SUFU: variants seen among roughly 807,000 people sequenced by gnomAD.
SUFU encodes SUFU negative regulator of hedgehog signaling.
A neutral mutation model predicts 58.9 loss-of-function variants in SUFU; 7 were observed. The observed-to-expected ratio is 0.12, with a 90% CI of 0.07 to 0.22. The LOEUF is 0.22. Among genes scored for constraint, SUFU ranks in the 10% least tolerant of loss-of-function variants. The probability of loss-of-function intolerance (pLI) is 1.00; values close to 1 mark genes in which losing one functional copy is unlikely to be tolerated. For synonymous variants in SUFU, 232 were observed against 254.8 expected (o/e 0.91, Z 0.85); for missense variants, 451 against 641.3 (o/e 0.70, Z 3.20).
intron 10 of SUFU, among the ~76,000 whole-genome samples, chr10:102,626,826 AT>A (rs1169065288): frequency 1.3e-5 from 2 of 151,398 alleles, no homozygotes; most frequent in Non-Finnish European, 2.9e-5. Flanking sequence ...TTTCCTTTTA[AT>A]TTTTCTTTTC....
rs1162195255 is a variant in SUFU, at chr10:102,545,293, A to ATTTTTTT, written c.318-4662_318-4656dup. On this transcript the variant is annotated intron_variant, in intron 2 of 11. Transcript: ENST00000369902. ...GCCACCATGCCTGGCTAATTTTTGT[A>ATTTTTTT]TTTTTTTTTTTTTTTTTTTTTGTAG... Among the ~76,000 whole-genome samples the ATTTTTTT allele has an allele frequency of 6.6e-5, 7 of 106,298 alleles. 1 individual carries two copies. Among genetic ancestry groups the ATTTTTTT allele is most frequent in the African/African-American group, 1.1e-4 (3 of 28,008 alleles). 69.7% of individuals were successfully genotyped at this position (106,298 alleles called of 152,430 possible).
intron 3 of SUFU, among the ~76,000 whole-genome samples, chr10:102,569,723 G>T (rs2063141687): frequency 6.6e-6 from 1 of 152,154 alleles, no homozygotes; most frequent in African/African-American, 2.4e-5. Flanking sequence ...ATACTCAGAG[G>T]TAAGTGCCTG....
At position 102,627,314 on chromosome 10, in the gene SUFU, T is replaced by C. The variant is rs2063795096; in HGVS notation, c.1365+71T>C. On this transcript the variant is annotated intron_variant, in intron 11 of 11. Transcript: ENST00000369902. The stretch of plus-strand genomic sequence containing the variant: ...CCATGTGTGTGCGTGCGTGTGCACG[T>C]CTGTGCATGCATGTGTGCGTGTGTA... The C allele has an allele frequency of 3.7e-6, 5 of 1,338,040 alleles. No homozygotes were observed. In the Admixed American group the frequency reaches 8.4e-5, roughly 22 times the overall value. The allele number at this position is 1,338,040 out of a possible 1,614,324, so 82.9% of individuals were successfully genotyped here. A position where few individuals can be genotyped will look rare whatever the true frequency, so the allele number is the denominator to read the frequency against.
intron 10 of SUFU, among the ~76,000 whole-genome samples, chr10:102,618,880 GACA>G (rs1383958271): frequency 1.4e-4 from 21 of 151,096 alleles, no homozygotes; most frequent in Non-Finnish European, 2.8e-4. Flanking sequence ...TGGAGGTAAG[GACA>G]AGCCCCTGAG....
In SUFU at chr10:102,628,469, C is replaced by G. The variant is rs551136981; in HGVS notation, c.1365+1226C>G. On this transcript the variant is annotated intron_variant, in intron 11 of 11. Coordinates refer to ENST00000369902, the MANE Select transcript of SUFU (RefSeq NM_016169.4). The surrounding 1 kb of genome is among the most constrained non-coding windows in gnomAD (Gnocchi z 4.5). Reference sequence around the variant, plus strand: ...TCACTGGTCCCTGAGTCCCAGCTCCCCATTCAGTCAGACCAGAGCCAGCTG... The same window carrying G: ...TCACTGGTCCCTGAGTCCCAGCTCCGCATTCAGTCAGACCAGAGCCAGCTG... Among the ~76,000 whole-genome samples, 1 of 152,260 alleles carries G rather than the reference C, an allele frequency of 6.6e-6. No homozygotes were observed. Among genetic ancestry groups the G allele is most frequent in the African/African-American group, 2.4e-5 (1 of 41,534 alleles).
At chr10:102,503,607 T>C (rs919241562), upstream of SUFU, among the ~76,000 whole-genome samples, 1 of 152,228 alleles carries the variant, frequency 6.6e-6, no homozygotes, top group Non-Finnish European at 1.5e-5. Context: ...TTTATTATCA[T>C]CTATTAATAC....
chr10:102,532,551 C>T (rs2062688680), intron 2 of SUFU, among the ~76,000 whole-genome samples: 1 of 152,146 alleles, frequency 6.6e-6, no homozygotes, highest in South Asian at 2.1e-4. Context: ...CTTCCCAGCT[C>T]CCTCAGGTTT....
chr10:102,586,183 C>G (rs999858051), intron 3 of SUFU, among the ~76,000 whole-genome samples: 5 of 151,908 alleles, frequency 3.3e-5, no homozygotes, highest in African/African-American at 1.2e-4. Flanking sequence ...CCATGCCCGG[C>G]CAGCTATTTG....
chr10:102,626,988 AG>A (rs2135953810), intron 10 of SUFU, among the ~76,000 whole-genome samples, 186 bp from the exon 11 acceptor site: 1 of 151,872 alleles, frequency 6.6e-6, no homozygotes, highest in Admixed American at 6.6e-5. Flanking sequence ...CTGATATTGC[AG>A]GGAGGTGAGG....
chr10:102,580,029 A>ACCCCCC lies in SUFU; in HGVS notation c.455-12548_455-12543dup, dbSNP rs71474507. Reference sequence around the variant, plus strand: ...ATCTGTTTTGGGTCTCCTCCCCCGCACCCCCCCCCCGCCCCCAGTTTGTTT... The same window carrying ACCCCCC: ...ATCTGTTTTGGGTCTCCTCCCCCGCACCCCCCCCCCCCCCCCGCCCCCAGTTTGTTT... On this transcript the variant is annotated intron_variant, in intron 3 of 11. Transcript: ENST00000369902. Among the ~76,000 whole-genome samples, 474 of 84,432 alleles carry ACCCCCC rather than the reference A, an allele frequency of 5.6e-3. 3 individuals carry two copies. The highest frequency in any genetic ancestry group is 7.2e-3 in the Non-Finnish European group (289 of 40,330). The allele number at this position is 84,432 out of a possible 152,430, so 55.4% of individuals were successfully genotyped here. A position where few individuals can be genotyped will look rare whatever the true frequency, so the allele number is the denominator to read the frequency against.
chr10:102,627,913 G>C (rs1164981084), intron 11 of SUFU, among the ~76,000 whole-genome samples: 1 of 152,102 alleles, frequency 6.6e-6, no homozygotes, highest in Non-Finnish European at 1.5e-5. Context: ...CCTCATCCTG[G>C]AAAATCCCTT....
intron 2 of SUFU, among the ~76,000 whole-genome samples, chr10:102,518,918 T>C (rs1277435898): frequency 1.3e-5 from 2 of 150,486 alleles, no homozygotes; most frequent in African/African-American, 4.9e-5. Flanking sequence ...GGCAGGCGGA[T>C]CATGAGGTCA....
At chr10:102,574,833 G>A (rs901221042) in intron 3 of SUFU, among the ~76,000 whole-genome samples, 1 of 152,142 alleles carries the variant, frequency 6.6e-6, no homozygotes, top group Non-Finnish European at 1.5e-5. Flanking sequence ...AAGGCAGGCG[G>A]ATCATGAGGT....
Position 102,632,571 on chromosome 10 carries a change from T to C in SUFU, c.*2416T>C, listed in dbSNP as rs1290818583. ...TAAAGAAGATCAAGCCAAGCTGACC[T>C]TGGACCCTGTCCAGCACAGCTTCTG... On this transcript the variant is annotated 3_prime_UTR_variant, in exon 12 of 12. Transcript: ENST00000369902. The C allele has an allele frequency of 8.6e-6, 2 of 233,214 alleles. No homozygotes were observed. The highest frequency in any genetic ancestry group is 1.2e-4 in the East Asian group (2 of 16,588). The allele number at this position is 233,214 out of a possible 1,614,324, so 14.4% of individuals were successfully genotyped here. A position where few individuals can be genotyped will look rare whatever the true frequency, so the allele number is the denominator to read the frequency against.
chr10:102,597,047 A>G (rs1590065775), intron 6 of SUFU, 93 bp from the exon 7 acceptor site: 2 of 1,463,702 alleles, frequency 1.4e-6, no homozygotes, highest in East Asian at 4.5e-5. Context: ...ACAAGGGCTC[A>G]GTAAATACTG....
intron 1 of SUFU, among the ~76,000 whole-genome samples, chr10:102,506,869 T>A (rs2062334248): frequency 6.6e-6 from 1 of 152,180 alleles, no homozygotes; most frequent in Admixed American, 6.5e-5. Context: ...CTGTGACTGG[T>A]GATCCCTGAG....
intron 10 of SUFU, among the ~76,000 whole-genome samples, chr10:102,620,272 TG>T (rs1455555137): frequency 6.6e-6 from 1 of 152,126 alleles, no homozygotes; most frequent in Non-Finnish European, 1.5e-5. Flanking sequence ...GGAGAAAGCG[TG>T]GCAGAGACAT....
intron 2 of SUFU, among the ~76,000 whole-genome samples, chr10:102,523,795 C>A (rs1035619709): frequency 6.6e-6 from 1 of 152,228 alleles, no homozygotes; most frequent in Non-Finnish European, 1.5e-5. Context: ...ACACTCATCT[C>A]ATGAATCATG....
intron 2 of SUFU, among the ~76,000 whole-genome samples, chr10:102,521,730 A>G (rs1475850748): frequency 1.3e-5 from 2 of 152,228 alleles, no homozygotes; most frequent in African/African-American, 4.8e-5. Context: ...CCAGATCTCA[A>G]ACTCTCATAG....
Sources: allele counts gnomAD v4.1 joint callset (sites outside exome capture counted in the v4.1 genomes callset), GRCh38; gene constraint gnomAD v4.1.1; non-coding constraint Gnocchi (gnomAD v3.1); transcripts MANE v1.5; gene names NCBI Gene and HGNC (gene_info 2026-07-23, HGNC 2026-07-21).